The following GRID1 variants were observed in gnomAD, a reference collection of about 807,000 sequenced individuals.
GRID1 encodes the protein glutamate receptor ionotropic, delta-1.
GRID1 carries 28 observed loss-of-function variants against 98.0 expected under a neutral mutation model. The ratio of observed to expected loss-of-function variants is 0.29; its 90% CI spans 0.21 to 0.39. The LOEUF (loss-of-function observed/expected upper bound fraction) is 0.39, where lower values mean the gene tolerates loss of function less well. Ranked by LOEUF, GRID1 falls within the 10% of genes least tolerant of loss-of-function variation. The pLI, the probability that GRID1 is intolerant of heterozygous loss-of-function variation, is 1.00. For missense variants in GRID1, 1,111 were observed against 1,340.5 expected (o/e 0.83, Z 2.67); for synonymous variants, 553 against 538.5 (o/e 1.03, Z -0.37).
chr10:86,068,072 T>C (rs547919800), intron 4 of GRID1, among the ~76,000 whole-genome samples: 51 of 152,328 alleles, frequency 3.3e-4, no homozygotes, highest in East Asian at 2.1e-3. Flanking sequence ...TTAGACACTT[T>C]CCATTCACTA....
In GRID1 at chr10:85,814,986, T is replaced by C. The variant is rs7903167; in HGVS notation, c.1233+39510A>G. Reference sequence around the variant, plus strand: ...GACCAACAGTTCATGTGAACATAGATGCAAAATTGTCAGCAAAATACCAGC... The same window carrying C: ...GACCAACAGTTCATGTGAACATAGACGCAAAATTGTCAGCAAAATACCAGC... On this transcript the variant is annotated intron_variant, in intron 8 of 15. Coordinates refer to ENST00000327946, the MANE Select transcript of GRID1 (RefSeq NM_017551.3). Among the ~76,000 whole-genome samples, 876 of 152,022 alleles carry C rather than the reference T, an allele frequency of 5.8e-3. 9 individuals are homozygous for C. Among genetic ancestry groups the C allele is most frequent in the African/African-American group, 0.02 (823 of 41,514 alleles).
At chr10:86,231,766 G>T (rs1211797768) in intron 2 of GRID1, among the ~76,000 whole-genome samples, 5 of 152,198 alleles carry the variant, frequency 3.3e-5, no homozygotes, top group Admixed American at 3.3e-4. Flanking sequence ...CACCTAGTCT[G>T]TGCCTCCTAT....
At chr10:85,735,130 C>T (rs1841866153) in intron 8 of GRID1, among the ~76,000 whole-genome samples, 1 of 152,216 alleles carries the variant, frequency 6.6e-6, no homozygotes, top group African/African-American at 2.4e-5. Context: ...TGAGTCTACT[C>T]TGACTTCCCC....
intron 12 of GRID1, among the ~76,000 whole-genome samples, chr10:85,721,668 G>T (rs934511995): frequency 3.9e-5 from 6 of 152,186 alleles, no homozygotes; most frequent in Admixed American, 2.0e-4. Context: ...TACAATTAAT[G>T]GTTGCCAGAG....
At chr10:86,137,414 C>A (rs557018804) in intron 4 of GRID1, among the ~76,000 whole-genome samples, 1 of 152,280 alleles carries the variant, frequency 6.6e-6, no homozygotes, top group South Asian at 2.1e-4. Context: ...TCTTTCCACC[C>A]CCAAGCTTCA....
Position 86,181,499 on chromosome 10 carries a change from C to A in GRID1, c.520+24865G>T, listed in dbSNP as rs1250789192. 2.6e-5 allele frequency among the ~76,000 whole-genome samples: 4 copies of A among 152,284 alleles called. No homozygotes were observed. In the East Asian group the frequency reaches 7.7e-4, roughly 29 times the overall value. Reference sequence around the variant, plus strand: ...CTTCTCTGGGAGTGATTTAGAGAAACAAGGAGGAGACAGTCACAGTGGGTC... The same window carrying A: ...CTTCTCTGGGAGTGATTTAGAGAAAAAAGGAGGAGACAGTCACAGTGGGTC... On this transcript the variant is annotated intron_variant, in intron 3 of 15. Transcript: ENST00000327946.
At chr10:86,353,526 C>T (rs1288062284) in intron 2 of GRID1, among the ~76,000 whole-genome samples, 2 of 140,756 alleles carry the variant, frequency 1.4e-5, no homozygotes, top group African/African-American at 5.2e-5. Flanking sequence ...GCACCTATGG[C>T]CATGTTCCTC....
intron 4 of GRID1, among the ~76,000 whole-genome samples, chr10:86,070,420 T>C (rs1234828338): frequency 6.6e-6 from 1 of 152,208 alleles, no homozygotes; most frequent in Non-Finnish European, 1.5e-5. Flanking sequence ...GGCTATTTCT[T>C]CCTGGCATAA....
intron 4 of GRID1, among the ~76,000 whole-genome samples, chr10:85,965,037 A>G (rs893254572): frequency 3.3e-5 from 5 of 152,248 alleles, no homozygotes; most frequent in African/African-American, 1.2e-4. Context: ...TATGAAAAAA[A>G]GCTCATCATC....
At chr10:85,794,900 T>C (rs1180490672) in intron 8 of GRID1, among the ~76,000 whole-genome samples, 3 of 152,190 alleles carry the variant, frequency 2.0e-5, no homozygotes, top group African/African-American at 7.2e-5. Context: ...CACAGCAAAT[T>C]CAAGGTGGAT....
At chr10:85,700,034 C>T (rs1043171614) in intron 12 of GRID1, among the ~76,000 whole-genome samples, 1 of 152,162 alleles carries the variant, frequency 6.6e-6, no homozygotes, top group African/African-American at 2.4e-5. Context: ...TCCTAGACTA[C>T]AATCTTCTCT....
chr10:86,105,698 T>A (rs1228711309), intron 4 of GRID1, among the ~76,000 whole-genome samples: 3 of 152,146 alleles, frequency 2.0e-5, no homozygotes, highest in Non-Finnish European at 4.4e-5. Context: ...GAGAGAAAGA[T>A]GCCATCCCCC....
chr10:86,303,510 C>T (rs1847718996), intron 2 of GRID1, among the ~76,000 whole-genome samples: 1 of 152,162 alleles, frequency 6.6e-6, no homozygotes, highest in Non-Finnish European at 1.5e-5. Flanking sequence ...GGAGAGCATG[C>T]CTCTCTCGAG....
intron 2 of GRID1, among the ~76,000 whole-genome samples, chr10:86,269,226 C>A (rs539831481): frequency 6.6e-6 from 1 of 152,276 alleles, no homozygotes; most frequent in African/African-American, 2.4e-5. Flanking sequence ...GGGTGGCTAA[C>A]CTTTGATTAG....
chr10:85,772,750 A>G (rs1223055084), intron 8 of GRID1, among the ~76,000 whole-genome samples: 4 of 152,232 alleles, frequency 2.6e-5, no homozygotes, highest in African/African-American at 7.2e-5. Flanking sequence ...CTCGACACAT[A>G]CACCCTCCCA....
chr10:85,798,460 G>A (rs1195001835), intron 8 of GRID1, among the ~76,000 whole-genome samples: 1 of 152,148 alleles, frequency 6.6e-6, no homozygotes, highest in African/African-American at 2.4e-5. Flanking sequence ...GTTTTCCATA[G>A]TGGTTGTACT....
At chr10:86,065,058 C>T (rs1173450618) in intron 4 of GRID1, among the ~76,000 whole-genome samples, 2 of 152,202 alleles carry the variant, frequency 1.3e-5, no homozygotes, top group South Asian at 2.1e-4. Flanking sequence ...TCTCTTTGCA[C>T]GGGGTGCATG....
intron 13 of GRID1, among the ~76,000 whole-genome samples, chr10:85,634,721 C>T (rs1843016204): frequency 6.6e-6 from 1 of 151,726 alleles, no homozygotes; most frequent in Non-Finnish European, 1.5e-5. Flanking sequence ...AAACATTATG[C>T]CAATAAAGTG....
chr10:86,338,494 C>T (rs975981289), intron 2 of GRID1, among the ~76,000 whole-genome samples: 2 of 152,188 alleles, frequency 1.3e-5, no homozygotes, highest in African/African-American at 2.4e-5. Context: ...CCTGTACAAC[C>T]GAAGAAACCA....
Sources: gnomAD v4.1 joint callset for allele counts (sites outside exome capture counted in the v4.1 genomes callset) on GRCh38, gnomAD v4.1.1 for gene constraint, MANE v1.5 for transcripts, NCBI Gene and HGNC (gene_info 2026-07-23, HGNC 2026-07-21) for gene names.